The following ACTA2 variants were observed in gnomAD, a reference collection of about 807,000 sequenced individuals.
The protein encoded by ACTA2 is actin alpha 2, smooth muscle, also known as actin, aortic smooth muscle.
A neutral mutation model predicts 39.5 loss-of-function variants in ACTA2; 12 were observed. The ratio of observed to expected loss-of-function variants is 0.30; its 90% CI spans 0.19 to 0.49. The LOEUF (loss-of-function observed/expected upper bound fraction) is 0.49. Among genes scored for constraint, ACTA2 ranks in the 20% least tolerant of loss-of-function variants. The pLI is 0.99. For synonymous variants in ACTA2, 158 were observed against 180.6 expected, an observed-to-expected ratio of 0.88 and a Z score of 1.00; for missense variants, 236 against 498.8, an observed-to-expected ratio of 0.47 and a Z score of 5.02.
At chr10:88,947,471 G>C in intron 2 of ACTA2, 85 bp from the exon 3 acceptor site, 1 of 1,576,516 alleles carries the variant, frequency 6.3e-7, no homozygotes, top group Non-Finnish European at 8.7e-7. Flanking sequence ...TTAAGTCATT[G>C]AGATGGGAAG....
At chr10:88,979,266 GAA>G (rs377193003) in intron 1 of ACTA2, among the ~76,000 whole-genome samples, 1 of 146,098 alleles carries the variant, frequency 6.8e-6, no homozygotes, top group Non-Finnish European at 1.5e-5. Context: ...CAAAAAAGCA[GAA>G]AAAAAAAAAT....
intron 7 of ACTA2, among the ~76,000 whole-genome samples, chr10:88,938,684 T>C: frequency 6.6e-6 from 1 of 151,696 alleles, no homozygotes; most frequent in Admixed American, 6.6e-5. Flanking sequence ...ACTTACTCTA[T>C]TTTTTATCCT....
rs147966251 is a variant in ACTA2 at position 88,937,443 on chromosome 10, T to C, written c.990+618A>G. ...GTTTGCCTCCAAAGAATTATCTCCA[T>C]TTAATCCCCGAGTTCCCTTCACTAG... is the stretch of plus-strand genomic sequence containing the variant. On this transcript the variant is annotated intron_variant, in intron 8 of 8. Coordinates refer to ENST00000224784, the MANE Select transcript of ACTA2 (RefSeq NM_001613.4). Among the ~76,000 whole-genome samples, 112 of 152,296 alleles carry C rather than the reference T, an allele frequency of 7.4e-4. 1 individual carries two copies. In the East Asian group the frequency reaches 0.019, roughly 25 times the overall value.
chr10:88,953,835 C>T (rs557517747), upstream of ACTA2, among the ~76,000 whole-genome samples: 4 of 152,268 alleles, frequency 2.6e-5, no homozygotes, highest in African/African-American at 9.6e-5. Flanking sequence ...CGCCTGCTGC[C>T]ATGTAAGACA....
At chr10:88,988,961 T>G (rs967965362) in intron 1 of ACTA2, among the ~76,000 whole-genome samples, 2 of 152,170 alleles carry the variant, frequency 1.3e-5, no homozygotes, top group African/African-American at 4.8e-5. Flanking sequence ...AACTTGAGGA[T>G]AATTAGACGT....
chr10:88,951,504 AAAAAAG>A lies in ACTA2; in HGVS notation c.-24+1221_-24+1226del, dbSNP rs1239839858. On this transcript the variant is annotated intron_variant, in intron 1 of 8. Coordinates refer to ENST00000224784, the MANE Select transcript of ACTA2 (RefSeq NM_001613.4). ...AAAAATGTTTTTTACTTGGCCAAAA[AAAAAAG>A]AAAAAGAAAAAGAAAATCTAGGAAG... 2.0e-4 allele frequency among the ~76,000 whole-genome samples: 31 copies of A among 152,124 alleles called. No individual in the cohort carries two copies. In the South Asian group the frequency reaches 5.2e-3, roughly 25 times the overall value.
At chr10:88,939,427 G>A (rs1456029944) in intron 7 of ACTA2, 80 bp downstream of exon 7, 6 of 1,578,966 alleles carry the variant, frequency 3.8e-6, no homozygotes, top group Non-Finnish European at 5.2e-6. Context: ...ACCGTCACTT[G>A]TCTCCATGTT....
intron 1 of ACTA2, among the ~76,000 whole-genome samples, chr10:88,979,722 G>A (rs1210794263): frequency 4.6e-5 from 7 of 151,958 alleles, no homozygotes; most frequent in Admixed American, 1.3e-4. Context: ...AACTCAATTC[G>A]ATCAGAAAAG....
chr10:88,945,220 A>G (rs1845923881), intron 3 of ACTA2, among the ~76,000 whole-genome samples: 1 of 152,246 alleles, frequency 6.6e-6, no homozygotes, highest in African/African-American at 2.4e-5. Flanking sequence ...TGTCAGCTCC[A>G]TGGAGAAATT....
intron 3 of ACTA2, 134 bp from the exon 4 acceptor site, chr10:88,944,041 G>A (rs1845904295): frequency 2.8e-6 from 2 of 716,794 alleles, no homozygotes; most frequent in East Asian, 2.7e-5. Flanking sequence ...ATGTGTCCAT[G>A]GTTTTATAGA....
At chr10:88,966,705 C>A (rs1846324026) in intron 1 of ACTA2, among the ~76,000 whole-genome samples, 1 of 152,212 alleles carries the variant, frequency 6.6e-6, no homozygotes, top group Admixed American at 6.5e-5. Context: ...GTTTCCTCAT[C>A]TGCAAAATGA....
rs45493098 is a variant in ACTA2 at position 88,947,640 on chromosome 10, A to G, written c.130-254T>C. On this transcript the variant is annotated intron_variant, in intron 2 of 8. Coordinates refer to ENST00000224784, the MANE Select transcript of ACTA2 (RefSeq NM_001613.4). The stretch of plus-strand genomic sequence containing the variant: ...ACTTTACTTTGTATTTTTATCTCCT[A>G]TGTTCCTTGATGAGCTTTTTTAGGG... Among the ~76,000 whole-genome samples the G allele has an allele frequency of 0.094, 14,297 of 152,240 alleles. 892 individuals are homozygous for G. The highest frequency in any genetic ancestry group is 0.14 in the Non-Finnish European group (9,811 of 67,990).
intron 1 of ACTA2, among the ~76,000 whole-genome samples, chr10:88,979,201 G>C (rs1018342798): frequency 6.6e-6 from 1 of 152,028 alleles, no homozygotes; most frequent in Non-Finnish European, 1.5e-5. Flanking sequence ...TGTTGTGTAT[G>C]AGCGTAGGGA....
intron 6 of ACTA2, chr10:88,939,980 G>A: frequency 2.1e-6 from 1 of 471,024 alleles, no homozygotes; most frequent in South Asian, 2.1e-5. Context: ...AAGGCACACA[G>A]TAGCGGATCC....
chr10:88,975,294 C>T (rs757977565), intron 1 of ACTA2: 15 of 152,178 alleles, frequency 9.9e-5, no homozygotes, highest in African/African-American at 2.6e-4. Flanking sequence ...AAATCAGAGG[C>T]GGAAGAAACC....
chr10:88,942,582 G>A (rs1053432492), intron 4 of ACTA2, among the ~76,000 whole-genome samples: 1 of 152,164 alleles, frequency 6.6e-6, no homozygotes, highest in Non-Finnish European at 1.5e-5. Flanking sequence ...AGTTGGTGCA[G>A]TCCAGGGACA....
chr10:88,943,772 T>C (rs1845898433), intron 4 of ACTA2, 25 bp downstream of exon 4: 1 of 1,569,678 alleles, frequency 6.4e-7, no homozygotes, highest in Non-Finnish European at 8.8e-7. Context: ...CCCCACAGTG[T>C]TGTGTGCTGG....
rs1362980651 is a variant in ACTA2, at chr10:88,943,562, C to CGA, written c.369+234_369+235insTC. On this transcript the variant is annotated intron_variant, in intron 4 of 8. Transcript: ENST00000224784. ...TTATAACTTAAACGTGGCCCCTTCT[C>CGA]AGTGAAATCTTTTAAATTTCCTATT... is the stretch of plus-strand genomic sequence containing the variant. 5.3e-6 allele frequency: 3 copies of CGA among 571,044 alleles called. No individual in the cohort carries two copies. The African/African-American group carries it at 5.6e-5, about 11-fold the overall frequency. The allele number at this position is 571,044 out of a possible 1,614,324, so 35.4% of individuals were successfully genotyped here. A position where few individuals can be genotyped will look rare whatever the true frequency, so the allele number is the denominator to read the frequency against.
chr10:88,935,853 T>C (rs1845727826), intron 8 of ACTA2, among the ~76,000 whole-genome samples: 1 of 152,222 alleles, frequency 6.6e-6, no homozygotes, highest in Non-Finnish European at 1.5e-5. Context: ...CTGTTTAACA[T>C]TGGGGAACTC....
Sources: gnomAD v4.1 joint callset for allele counts (sites outside exome capture counted in the v4.1 genomes callset) on GRCh38, gnomAD v4.1.1 for gene constraint, MANE v1.5 for transcripts, NCBI Gene and HGNC (gene_info 2026-07-23, HGNC 2026-07-21) for gene names.